The following PLCB1 variants were observed in gnomAD, a reference collection of about 807,000 sequenced individuals.
The protein encoded by PLCB1 is 1-phosphatidylinositol 4,5-bisphosphate phosphodiesterase beta-1.
Under a neutral mutation model 161.8 loss-of-function variants are expected in PLCB1, and 46 were observed. The observed-to-expected ratio is 0.28, with a 90% confidence interval of 0.22 to 0.36. The LOEUF is 0.36. PLCB1 is among the 10% of genes least tolerant of loss of function. PLCB1 has a pLI of 1.00. For synonymous variants in PLCB1, 517 were observed against 503.7 expected (o/e 1.03, Z -0.35); for missense variants, 1,016 against 1,472.5 (o/e 0.69, Z 5.07).
chr20:8,704,103 C>T (rs543888674), intron 11 of PLCB1, among the ~76,000 whole-genome samples: 5 of 152,278 alleles, frequency 3.3e-5, no homozygotes, highest in South Asian at 2.1e-4. Context: ...CCTATAATCC[C>T]AGCACTTTGG....
At chr20:8,429,722 G>C (rs1258283368) in intron 3 of PLCB1, among the ~76,000 whole-genome samples, 1 of 151,998 alleles carries the variant, frequency 6.6e-6, no homozygotes, top group Non-Finnish European at 1.5e-5. Context: ...ATATTTAAAT[G>C]AAGTTTGTAT....
intron 4 of PLCB1, among the ~76,000 whole-genome samples, chr20:8,637,812 T>C (rs1988810141): frequency 6.6e-6 from 1 of 152,232 alleles, no homozygotes. Context: ...TTATATTTGT[T>C]TTAAACTTTC....
At chr20:8,572,026 A>G (rs1986538209) in intron 3 of PLCB1, among the ~76,000 whole-genome samples, 1 of 152,194 alleles carries the variant, frequency 6.6e-6, no homozygotes, top group South Asian at 2.1e-4. Flanking sequence ...TGTCATTCTA[A>G]GTAAAAAAAA....
intron 2 of PLCB1, among the ~76,000 whole-genome samples, chr20:8,175,091 TA>T (rs1368564620): frequency 6.6e-6 from 1 of 151,726 alleles, no homozygotes; most frequent in African/African-American, 2.4e-5. Context: ...AAAGTAATAA[TA>T]AAAACTGCAA....
chr20:8,203,661 A>C (rs1264598013), intron 2 of PLCB1, among the ~76,000 whole-genome samples: 1 of 152,142 alleles, frequency 6.6e-6, no homozygotes, highest in Admixed American at 6.5e-5. Flanking sequence ...CATTTAATGC[A>C]TGATGGGAGG....
At chr20:8,715,932 T>G in intron 12 of PLCB1, 1 of 251,832 alleles carries the variant, frequency 4.0e-6, no homozygotes, top group Non-Finnish European at 7.6e-6. Context: ...TGCAATTGAC[T>G]TGGAATCAGC....
chr20:8,504,874 T>A (rs902974815), intron 3 of PLCB1, among the ~76,000 whole-genome samples: 3 of 152,140 alleles, frequency 2.0e-5, no homozygotes, highest in Non-Finnish European at 2.9e-5. Flanking sequence ...ATTGGATAGT[T>A]TTTGTTTTTT....
chr20:8,561,268 A>G (rs182911622), intron 3 of PLCB1, among the ~76,000 whole-genome samples: 2 of 152,120 alleles, frequency 1.3e-5, no homozygotes, highest in African/African-American at 4.8e-5. Flanking sequence ...GAACTAGATT[A>G]ATATTTTCTA....
intron 3 of PLCB1, among the ~76,000 whole-genome samples, chr20:8,379,430 A>G (rs1170291455): frequency 2.6e-5 from 4 of 152,194 alleles, no homozygotes; most frequent in Admixed American, 2.6e-4. Flanking sequence ...ATGCGTCTTT[A>G]TAATAGAATG....
intron 3 of PLCB1, among the ~76,000 whole-genome samples, chr20:8,437,857 G>A (rs1980377445): frequency 6.6e-6 from 1 of 152,044 alleles, no homozygotes; most frequent in Non-Finnish European, 1.5e-5. Context: ...AAACTTAGTA[G>A]GCCACATACA....
intron 31 of PLCB1, among the ~76,000 whole-genome samples, chr20:8,867,278 C>T (rs1258843608): frequency 6.6e-6 from 1 of 152,190 alleles, no homozygotes. Context: ...AACACAAGGG[C>T]AGGACCCCCA....
intron 31 of PLCB1, among the ~76,000 whole-genome samples, chr20:8,855,072 A>T (rs1163298267): frequency 1.3e-5 from 2 of 152,194 alleles, no homozygotes; most frequent in Non-Finnish European, 2.9e-5. Flanking sequence ...GCAAAAACAT[A>T]TGATTAATAG....
At chr20:8,820,187 T>G (rs1600354017) in intron 31 of PLCB1, among the ~76,000 whole-genome samples, 1 of 148,240 alleles carries the variant, frequency 6.7e-6, no homozygotes, top group East Asian at 1.9e-4. Flanking sequence ...AGAGAACCCA[T>G]GGATACAGAG....
chr20:8,274,747 A>G (rs1268457606), intron 2 of PLCB1, among the ~76,000 whole-genome samples: 1 of 152,140 alleles, frequency 6.6e-6, no homozygotes, highest in East Asian at 1.9e-4. Flanking sequence ...AATGTCAGCC[A>G]TTTGCCTTAA....
chr20:8,170,953 A>G (rs2051726954), intron 2 of PLCB1, among the ~76,000 whole-genome samples: 2 of 152,140 alleles, frequency 1.3e-5, no homozygotes, highest in African/African-American at 2.4e-5. Context: ...GTTAATGGAT[A>G]TGATTTTATT....
chr20:8,508,599 G>A (rs1311118424), intron 3 of PLCB1, among the ~76,000 whole-genome samples: 1 of 152,168 alleles, frequency 6.6e-6, no homozygotes, highest in East Asian at 1.9e-4. Flanking sequence ...GACCAAATGA[G>A]TGAATTCAAG....
At chr20:8,754,616 C>T (rs1981647798) in intron 23 of PLCB1, among the ~76,000 whole-genome samples, 1 of 152,168 alleles carries the variant, frequency 6.6e-6, no homozygotes, top group African/African-American at 2.4e-5. Flanking sequence ...GGGACATCTT[C>T]CTACCTGCTT....
chr20:8,481,322 T>C, intron 3 of PLCB1, among the ~76,000 whole-genome samples: 1 of 152,228 alleles, frequency 6.6e-6, no homozygotes. Flanking sequence ...TAAATAGCAC[T>C]AATTTGATAA....
At chr20:8,667,102 A>G (rs117972652) in intron 9 of PLCB1, among the ~76,000 whole-genome samples, 1 of 152,228 alleles carries the variant, frequency 6.6e-6, no homozygotes. Flanking sequence ...ACCGACGTGA[A>G]TCAACAAAGT....
Sources: gnomAD v4.1 joint callset for allele counts (sites outside exome capture counted in the v4.1 genomes callset) on GRCh38, gnomAD v4.1.1 for gene constraint, MANE v1.5 for transcripts, NCBI Gene and HGNC (gene_info 2026-07-23, HGNC 2026-07-21) for gene names.